The following MAP3K21 variants were observed in gnomAD, a reference collection of about 807,000 sequenced individuals.
MAP3K21 encodes the protein mitogen-activated protein kinase kinase kinase MLK4.
In MAP3K21, 63 loss-of-function variants were observed where a neutral mutation model predicts 86.1. That is an observed-to-expected ratio of 0.73 (90% CI 0.60 to 0.90). The LOEUF (loss-of-function observed/expected upper bound fraction) is 0.90, where lower values mean the gene tolerates loss of function less well. Ranked by LOEUF, MAP3K21 falls within the 40% of genes least tolerant of loss-of-function variation. The pLI is 0.00. For synonymous variants in MAP3K21, 558 were observed against 564.8 expected (o/e 0.99, Z 0.17); for missense variants, 1,220 against 1,367.7 (o/e 0.89, Z 1.70).
intron 7 of MAP3K21, 68 bp downstream of exon 7, chr1:233,376,134 A>G (rs189523055): frequency 3.0e-6 from 4 of 1,342,124 alleles, no homozygotes; most frequent in African/African-American, 3.0e-5. Flanking sequence ...TTAATATCAC[A>G]TCAGCCAGAC....
intron 1 of MAP3K21, among the ~76,000 whole-genome samples, chr1:233,334,843 C>T (rs1294291): frequency 0.78 from 118,412 of 152,138 alleles, 46,349 homozygotes; most frequent in East Asian, 0.99. Context: ...ACTAAAATAA[C>T]TTACTTAGAC....
Position 233,376,433 on chromosome 1 carries a change from A to G in MAP3K21, c.1830A>G (p.Ile610Met), listed in dbSNP as rs773561936. The change falls in exon 8 of 10, where the codon ATA (isoleucine) becomes ATG (methionine). Residue 610 changes from isoleucine to methionine, a missense_variant. Ile to Met is a conservative substitution (Grantham distance 10, BLOSUM62 1). Transcript: ENST00000366624. ...AAGAAACATTTTTCTCTTGTAGGAT[A>G]AGACCTCTCTCCGATGGCAACAGTC... ...MKDRTDCKERIRPLSDGNSPW... is the reference protein window; with the variant it reads ...MKDRTDCKERMRPLSDGNSPW... 4.4e-6 allele frequency: 7 copies of G among 1,607,706 alleles called. No homozygotes were observed. The highest frequency in any genetic ancestry group is 5.1e-6 in the Non-Finnish European group (6 of 1,174,374).
Position 233,328,892 on chromosome 1 carries a change from C to T in MAP3K21, c.805+59C>T, listed in dbSNP as rs1025673725. ...ACCTCCGTGCCAGCCCAGGCGGGCT[C>T]CACAGGACATAGTACCAGATGGAAA... On this transcript the variant is annotated intron_variant, in intron 1 of 9. Transcript: ENST00000366624. The surrounding 1 kb of genome is among the most constrained non-coding windows in gnomAD (Gnocchi z 8.7). 3 of 1,370,994 alleles carry T rather than the reference C, an allele frequency of 2.2e-6. No individual in the cohort carries two copies. The African/African-American group carries it at 4.5e-5, about 21-fold the overall frequency. The allele number at this position is 1,370,994 out of a possible 1,614,324, so 84.9% of individuals were successfully genotyped here. A position where few individuals can be genotyped will look rare whatever the true frequency, so the allele number is the denominator to read the frequency against.
intron 5 of MAP3K21, among the ~76,000 whole-genome samples, chr1:233,369,041 C>T (rs1421421899): frequency 1.3e-5 from 2 of 152,180 alleles, no homozygotes; most frequent in Middle Eastern, 3.4e-3. Flanking sequence ...GGGGGCAGAA[C>T]TTAAGCTAAT....
chr1:233,338,618 A>C (rs1222487342), intron 1 of MAP3K21, among the ~76,000 whole-genome samples: 1 of 152,244 alleles, frequency 6.6e-6, no homozygotes, highest in East Asian at 1.9e-4. Context: ...GGGAAAGAAC[A>C]TGCTTGTTAC....
rs1247488292 is a variant in MAP3K21 at position 233,383,488 on chromosome 1, C to G, written c.*777C>G. 5 of 151,988 alleles carry G rather than the reference C, an allele frequency of 3.3e-5. No homozygotes were observed. Among genetic ancestry groups the G allele is most frequent in the African/African-American group, 1.2e-4 (5 of 41,334 alleles). 9.4% of individuals were successfully genotyped at this position (151,988 alleles called of 1,614,324 possible). A position where few individuals can be genotyped will look rare whatever the true frequency, so the allele number is the denominator to read the frequency against. On this transcript the variant is annotated 3_prime_UTR_variant, in exon 10 of 10. Coordinates refer to ENST00000366624, the MANE Select transcript of MAP3K21 (RefSeq NM_032435.3). The stretch of plus-strand genomic sequence containing the variant: ...CATTTGACTGAGACCACATGGTGTG[C>G]CCCTTGAGTGAGGCTAATCTTTAGG...
At chr1:233,339,407 C>CCTTCTCCTCCTCCTT (rs1491376569) in intron 1 of MAP3K21, among the ~76,000 whole-genome samples, 1 of 38,412 alleles carries the variant, frequency 2.6e-5, no homozygotes, top group African/African-American at 1.1e-4. Context: ...TTCTCCTCCT[C>CCTTCTCCTCCTCCTT]CTCCTCCTCC....
intron 8 of MAP3K21, 101 bp downstream of exon 8, chr1:233,376,628 G>A: frequency 1.4e-6 from 1 of 710,422 alleles, no homozygotes; most frequent in Non-Finnish European, 2.4e-6. Context: ...TAAAGTAGCA[G>A]AGGGGAGATT....
chr1:233,350,389 A>C (rs1016814119), intron 2 of MAP3K21, among the ~76,000 whole-genome samples: 1 of 152,084 alleles, frequency 6.6e-6, no homozygotes, highest in Non-Finnish European at 1.5e-5. Flanking sequence ...TATCTCCGGA[A>C]CCCATTCATA....
intron 6 of MAP3K21, chr1:233,372,366 A>G: frequency 1.8e-6 from 1 of 544,792 alleles, no homozygotes; most frequent in Non-Finnish European, 3.0e-6. Context: ...TGAATTTTAG[A>G]TGCTATGCAG....
Position 233,376,047 on chromosome 1 carries a change from A to G in MAP3K21, c.1807A>G (p.Arg603Gly), listed in dbSNP as rs762349872. The part of the protein sequence containing the change: ...WGPNSIQMKD[R>G]TDCKERIRPL... ...ACCAAATTCCATTCAAATGAAAGAT[A>G]GAACAGATTGCAAAGAAAGGTACGT... Residue 603 changes from arginine to glycine, a missense_variant, in exon 7 of 10, where the codon AGA becomes GGA. By Grantham distance (125) the Arg-to-Gly change is moderately radical (BLOSUM62 -2). Transcript: ENST00000366624. 3.7e-6 allele frequency: 6 copies of G among 1,604,572 alleles called. No homozygotes were observed. In the East Asian group the frequency reaches 1.1e-4, roughly 30 times the overall value.
chr1:233,379,777 G>A, intron 9 of MAP3K21, 67 bp downstream of exon 9: 1 of 1,186,990 alleles, frequency 8.4e-7, no homozygotes, highest in East Asian at 2.4e-5. Context: ...AAACAGTATG[G>A]ATTTATGATT....
Position 233,369,616 on chromosome 1 carries a change from T to A in MAP3K21, c.1553-2422T>A, listed in dbSNP as rs1375317873. Among the ~76,000 whole-genome samples, 6 of 152,102 alleles carry A rather than the reference T, an allele frequency of 3.9e-5. No homozygotes were observed. In the South Asian group the frequency reaches 6.2e-4, roughly 16 times the overall value. ...ATGAGCTCAGAATGGTTTTTACACT[T>A]TTAAATGCTTGAAAAAAATCAAAGA... On this transcript the variant is annotated intron_variant, in intron 5 of 9. Coordinates refer to ENST00000366624, the MANE Select transcript of MAP3K21 (RefSeq NM_032435.3).
chr1:233,338,998 G>A (rs1011319608), intron 1 of MAP3K21, among the ~76,000 whole-genome samples: 4 of 152,182 alleles, frequency 2.6e-5, no homozygotes, highest in African/African-American at 9.7e-5. Context: ...TCCACGGACT[G>A]AGTCCTCGTA....
chr1:233,327,736 G>A lies in MAP3K21; in HGVS notation c.-293G>A. 1 of 239,958 alleles carries A rather than the reference G, an allele frequency of 4.2e-6. No homozygotes were observed. Among genetic ancestry groups the A allele is most frequent in the Non-Finnish European group, 7.9e-6 (1 of 125,930 alleles). The allele number at this position is 239,958 out of a possible 1,614,324, so 14.9% of individuals were successfully genotyped here. ...GGTGGGGTGGGGCGTCCCAGGCTCT[G>A]GCTAAGGAGCGCGCGGCGGGCGGGC... On this transcript the variant is annotated 5_prime_UTR_variant, in exon 1 of 10. Transcript: ENST00000366624.
chr1:233,340,301 G>C (rs1357993406), intron 1 of MAP3K21, among the ~76,000 whole-genome samples: 1 of 152,208 alleles, frequency 6.6e-6, no homozygotes, highest in Admixed American at 6.5e-5. Context: ...CTGGTGCCCT[G>C]ATTGAGTGGG....
At chr1:233,353,024 T>C (rs1314547743) in intron 2 of MAP3K21, among the ~76,000 whole-genome samples, 1 of 152,214 alleles carries the variant, frequency 6.6e-6, no homozygotes, top group African/African-American at 2.4e-5. Context: ...GAAATTCGGC[T>C]CTTCATGGTA....
At position 233,379,258 on chromosome 1, in the gene MAP3K21, C is replaced by A. The variant is rs769713740; in HGVS notation, c.2252C>A (p.Pro751Gln). 151 of 1,614,078 alleles carry A rather than the reference C, an allele frequency of 9.4e-5. No individual in the cohort carries two copies. The highest frequency in any genetic ancestry group is 1.3e-4 in the Admixed American group (8 of 59,996). ...CATAAAGCACAGGCTGCTGAAGAAC[C>A]GTTGCCCAAGGAAGAGAAGAAGAAA... Reference protein sequence around the residue: ...ELHKAQAAEEPLPKEEKKKRE... With the variant: ...ELHKAQAAEEQLPKEEKKKRE... Residue 751 changes from proline to glutamine, a missense_variant, in exon 9 of 10, where the codon CCG becomes CAG. Pro to Gln is a moderately conservative substitution (Grantham distance 76, BLOSUM62 -1). This residue lies in a region of MAP3K21 where 632 missense variants were observed against 691.3 expected (regional missense o/e 0.91). Coordinates refer to ENST00000366624, the MANE Select transcript of MAP3K21 (RefSeq NM_032435.3).
At chr1:233,345,726 T>TATAATA (rs72300159) in intron 1 of MAP3K21, among the ~76,000 whole-genome samples, 6,923 of 146,192 alleles carry the variant, frequency 0.047, 163 homozygotes, top group East Asian at 0.082. Flanking sequence ...GAACTCAAAG[T>TATAATA]ATAATAATAA....
Sources: gnomAD v4.1 joint callset for allele counts (sites outside exome capture counted in the v4.1 genomes callset) on GRCh38, gnomAD v4.1.1 for gene constraint, gnomAD v4.1.1 regional missense constraint, Gnocchi (gnomAD v3.1) non-coding constraint, MANE v1.5 for transcripts, NCBI Gene and HGNC (gene_info 2026-07-23, HGNC 2026-07-21) for gene names.